The following ZNF266 variants were observed in gnomAD, a reference collection of about 807,000 sequenced individuals.
ZNF266 encodes zinc finger protein 1.
ZNF266 carries 16 observed loss-of-function variants against 16.4 expected under a neutral mutation model. The observed-to-expected ratio is 0.98, with a 90% CI of 0.66 to 1.48. ZNF266 has a LOEUF of 1.48. ZNF266 is among the 40% of genes most tolerant of loss of function. The probability of loss-of-function intolerance (pLI) is 0.00; values close to 1 mark genes in which losing one functional copy is unlikely to be tolerated. For missense variants in ZNF266, 738 were observed against 689.1 expected (o/e 1.07, Z -0.79); for synonymous variants, 262 against 237.9 (o/e 1.10, Z -0.93).
At chr19:9,431,952 G>A (rs2071670320) in intron 5 of ZNF266, among the ~76,000 whole-genome samples, 1 of 152,018 alleles carries the variant, frequency 6.6e-6, no homozygotes, top group Non-Finnish European at 1.5e-5. Flanking sequence ...AAGTCAGTTG[G>A]GTTTTGTTTT....
In ZNF266 at chr19:9,415,731, T is replaced by C. The variant is rs892717155; in HGVS notation, c.328A>G (p.Lys110Glu). 3.7e-6 allele frequency: 6 copies of C among 1,612,734 alleles called. No individual in the cohort carries two copies. The highest frequency in any genetic ancestry group is 1.6e-4 in the Middle Eastern group (1 of 6,076). Residue 110 changes from lysine to glutamate, a missense_variant, in exon 10 of 11, where the codon AAA (lysine) becomes GAA (glutamate). By Grantham distance (56) the Lys-to-Glu change is moderately conservative. Coordinates refer to ENST00000592904, the MANE Select transcript of ZNF266 (RefSeq NM_001370374.1). ...QRGDFQASEW[K>E]VQLKTKELAL... ...AACTCTTTGGTTTTAAGTTGCACTTTCCATTCTGAAGCTGAAGAGAAAAAG... is the reference window on the plus strand; with the variant it reads ...AACTCTTTGGTTTTAAGTTGCACTTCCCATTCTGAAGCTGAAGAGAAAAAG...
At chr19:9,434,455 T>C (rs565841086) in intron 3 of ZNF266, among the ~76,000 whole-genome samples, 3 of 152,272 alleles carry the variant, frequency 2.0e-5, no homozygotes, top group Admixed American at 6.5e-5. Context: ...GAAGGATACA[T>C]TTAAACACGG....
intron 9 of ZNF266, among the ~76,000 whole-genome samples, chr19:9,416,072 T>A (rs1157806349): frequency 6.6e-6 from 1 of 152,170 alleles, no homozygotes; most frequent in African/African-American, 2.4e-5. Context: ...TCCACACGCC[T>A]CAGCCCCTCA....
intron 5 of ZNF266, chr19:9,420,569 T>C (rs1978436): frequency 0.61 from 92,515 of 151,898 alleles, 28,798 homozygotes; most frequent in African/African-American, 0.73. Context: ...GCCTGGGCAA[T>C]GTGGTGAAAC....
intron 5 of ZNF266, among the ~76,000 whole-genome samples, chr19:9,425,792 G>A (rs1256317945): frequency 1.3e-5 from 2 of 152,150 alleles, no homozygotes; most frequent in Admixed American, 1.3e-4. Flanking sequence ...AGAGGGGCAC[G>A]ACAGTCACTA....
At chr19:9,427,100 G>A (rs1252345434) in intron 5 of ZNF266, among the ~76,000 whole-genome samples, 1 of 152,056 alleles carries the variant, frequency 6.6e-6, no homozygotes, top group Non-Finnish European at 1.5e-5. Context: ...ATTAATGAAG[G>A]GGTGATTATC....
Position 9,425,283 on chromosome 19 carries a change from G to A in ZNF266, c.-129-5065C>T, listed in dbSNP as rs551897803. 3.3e-4 allele frequency among the ~76,000 whole-genome samples: 50 copies of A among 152,236 alleles called. 1 individual carries two copies. In the South Asian group the frequency reaches 9.1e-3, roughly 28 times the overall value. The stretch of plus-strand genomic sequence containing the variant: ...TTCCTATCCCACAGGTTGAACACCC[G>A]GCTGTCTCTGGACTTCCATCAGCCC... On this transcript the variant is annotated intron_variant, in intron 5 of 10. Transcript: ENST00000592904.
Position 9,414,572 on chromosome 19 carries a change from A to G in ZNF266, c.554T>C (p.Leu185Pro). The G allele has an allele frequency of 2.5e-6, 4 of 1,613,972 alleles. No homozygotes were observed. The highest frequency in any genetic ancestry group is 3.4e-6 in the Non-Finnish European group (4 of 1,179,804). Reference protein sequence around the residue: ...CYLYGVDFLTLHKKTSTGEQR... With the variant: ...CYLYGVDFLTPHKKTSTGEQR... ...CTCTCCAGTAGAGGTTTTCTTGTGC[A>G]GAGTAAGGAAGTCTACTCCATACAG... is the stretch of plus-strand genomic sequence containing the variant. The change falls in exon 11 of 11, where the codon CTG becomes CCG. Residue 185 changes from leucine (L) to proline (P), a missense_variant. Physicochemically the swap from Leu to Pro is moderately conservative, Grantham distance 98 (BLOSUM62 -3). Coordinates refer to ENST00000592904, the MANE Select transcript of ZNF266 (RefSeq NM_001370374.1).
rs1404644803 is a variant in ZNF266 at position 9,419,280 on chromosome 19, G to A, written c.45C>T (p.Val15=). 6 of 153,972 alleles carry A rather than the reference G, an allele frequency of 3.9e-5. No homozygotes were observed. The highest frequency in any genetic ancestry group is 1.4e-4 in the African/African-American group (6 of 41,432). The allele number at this position is 153,972 out of a possible 1,614,324, so 9.5% of individuals were successfully genotyped here. ...DLSYGLYRDP[V]CLQEKTEVER... ...CTACTTCTGTCTTTTCTTGAAGGCA[G>A]ACTGGGTCCCTGTAAAGACCTCATG... The change falls in exon 7 of 11, where the codon GTC becomes GTT. Residue 15 remains valine, a synonymous_variant. Transcript: ENST00000592904.
Position 9,414,629 on chromosome 19 carries a change from G to A in ZNF266, c.497C>T (p.Thr166Ile). 1 of 1,609,494 alleles carries A rather than the reference G, an allele frequency of 6.2e-7. No homozygotes were observed. The highest frequency in any genetic ancestry group is 8.5e-7 in the Non-Finnish European group (1 of 1,176,014). ...EHSCLKTHVRTQNSENTFECY... is the reference protein window; with the variant it reads ...EHSCLKTHVRIQNSENTFECY... ...CTCAAATGTGTTCTCACTATTTTGA[G>A]TTCTCACATGTGTCTTAAGGCATGA... Residue 166 changes from threonine to isoleucine, a missense_variant, in exon 11 of 11, where the codon ACT (threonine) becomes ATT (isoleucine). Physicochemically the swap from Thr to Ile is moderately conservative, Grantham distance 89. Transcript: ENST00000592904.
intron 5 of ZNF266, among the ~76,000 whole-genome samples, chr19:9,426,041 C>T (rs944885660): frequency 6.6e-6 from 1 of 152,166 alleles, no homozygotes; most frequent in Non-Finnish European, 1.5e-5. Flanking sequence ...ACAACAGTAG[C>T]AACCCCTTCA....
intron 5 of ZNF266, among the ~76,000 whole-genome samples, chr19:9,422,072 C>T (rs1248836373): frequency 6.6e-6 from 1 of 152,164 alleles, no homozygotes; most frequent in Non-Finnish European, 1.5e-5. Flanking sequence ...AGGATGGTCT[C>T]GATCTCCTGA....
chr19:9,432,887 G>A (rs1396340978), intron 5 of ZNF266, among the ~76,000 whole-genome samples: 1 of 151,676 alleles, frequency 6.6e-6, no homozygotes, highest in Non-Finnish European at 1.5e-5. Flanking sequence ...TTGCTAAGTG[G>A]TACCATTTAC....
At position 9,414,510 on chromosome 19, in the gene ZNF266, T is replaced by C. The variant is rs776814999; in HGVS notation, c.616A>G (p.Ser206Gly). 4 of 1,614,206 alleles carry C rather than the reference T, an allele frequency of 2.5e-6. No individual in the cohort carries two copies. The East Asian group carries it at 8.9e-5, about 36-fold the overall frequency. Residue 206 changes from serine to glycine, a missense_variant, in exon 11 of 11, where the codon AGC becomes GGC. Physicochemically the swap from Ser to Gly is moderately conservative, Grantham distance 56 (BLOSUM62 0). Coordinates refer to ENST00000592904, the MANE Select transcript of ZNF266 (RefSeq NM_001370374.1). The part of the protein sequence containing the change: ...SVFSQCGKAF[S>G]LNPDVVCQRT... ...TGGCAAACAACATCTGGGTTCAGGC[T>C]GAAGGCTTTTCCACACTGACTAAAT... is the stretch of plus-strand genomic sequence containing the variant.
chr19:9,417,329 A>G (rs2069192740), intron 9 of ZNF266, among the ~76,000 whole-genome samples: 2 of 152,158 alleles, frequency 1.3e-5, no homozygotes, highest in East Asian at 3.9e-4. Flanking sequence ...CCGAGATCGC[A>G]CCACTGCACT....
intron 5 of ZNF266, among the ~76,000 whole-genome samples, chr19:9,423,536 G>C (rs1018666705): frequency 4.6e-5 from 7 of 152,218 alleles, no homozygotes; most frequent in African/African-American, 1.7e-4. Flanking sequence ...CTCAGAAGCA[G>C]TGGATCTACA....
rs760905975 is a variant in ZNF266 at position 9,414,431 on chromosome 19, A to G, written c.695T>C (p.Phe232Ser). The G allele has an allele frequency of 8.9e-5, 143 of 1,614,070 alleles. No homozygotes were observed. Among genetic ancestry groups the G allele is most frequent in the Non-Finnish European group, 1.2e-4 (142 of 1,180,036 alleles). ...TCCCTGAAGGTGTGAATGATTAATG[A>G]AGGATTTCCCAGAGTCACTGCAATC... ...AFDCSDSGKSFINHSHLQGHL... is the reference protein window; with the variant it reads ...AFDCSDSGKSSINHSHLQGHL... Residue 232 changes from phenylalanine to serine, a missense_variant, in exon 11 of 11, where the codon TTC (phenylalanine) becomes TCC (serine). By Grantham distance (155) the Phe-to-Ser change is radical. Coordinates refer to ENST00000592904, the MANE Select transcript of ZNF266 (RefSeq NM_001370374.1).
chr19:9,413,492 C>G lies in ZNF266; in HGVS notation c.1634G>C (p.Cys545Ser). The change falls in exon 11 of 11, where the codon TGT (cysteine) becomes TCT (serine). Residue 545 changes from cysteine to serine, a missense_variant. By Grantham distance (112) the Cys-to-Ser change is moderately radical. Transcript: ENST00000592904. Reference sequence around the variant, plus strand: ...GTGGATCCGCATGTGAAGGTTAACACACGTGGGAAACTTAAAAGCTTTGCC... The same window carrying G: ...GTGGATCCGCATGTGAAGGTTAACAGACGTGGGAAACTTAAAAGCTTTGCC... ...ECGKAFKFPT[C>S]VNLHMRIHTG... is the part of the protein sequence containing the mutation. 1.2e-6 allele frequency: 2 copies of G among 1,612,620 alleles called. No homozygotes were observed. Among genetic ancestry groups the G allele is most frequent in the South Asian group, 1.1e-5 (1 of 90,956 alleles).
Position 9,429,647 on chromosome 19 carries a change from G to A in ZNF266, c.-130+4021C>T, listed in dbSNP as rs546518633. Among the ~76,000 whole-genome samples the A allele has an allele frequency of 2.2e-4, 34 of 152,202 alleles. 1 individual carries two copies. In the East Asian group the frequency reaches 6.2e-3, roughly 28 times the overall value. ...CTAAAACCTCCACACAGTGACATCC[G>A]TGGACTGCCTCTCCTAAAACACAAA... On this transcript the variant is annotated intron_variant, in intron 5 of 10. Transcript: ENST00000592904.
Sources: allele counts gnomAD v4.1 joint callset (sites outside exome capture counted in the v4.1 genomes callset), GRCh38; gene constraint gnomAD v4.1.1; transcripts MANE v1.5; gene names NCBI Gene and HGNC (gene_info 2026-07-23, HGNC 2026-07-21).